Variants in TGM7 observed in about 807,000 individuals in gnomAD.
TGM7 encodes transglutaminase 7, also known as protein-glutamine gamma-glutamyltransferase Z.
A neutral mutation model predicts 79.5 loss-of-function variants in TGM7; 74 were observed. The observed-to-expected ratio is 0.93, with a 90% CI of 0.77 to 1.13. The LOEUF is 1.13. Among genes scored for constraint, TGM7 ranks in the 50% most tolerant of loss-of-function variants. The pLI, the probability that TGM7 is intolerant of heterozygous loss-of-function variation, is 0.00. For synonymous variants in TGM7, 354 were observed against 362.5 expected (o/e 0.98, Z 0.27); for missense variants, 912 against 905.9 (o/e 1.01, Z -0.09).
chr15:43,292,207 G>T, intron 3 of TGM7, 110 bp from the exon 4 acceptor site: 1 of 721,978 alleles, frequency 1.4e-6, no homozygotes, highest in Non-Finnish European at 2.4e-6. Context: ...AGGAACAGTC[G>T]ATGGGTTGAT....
At position 43,278,015 on chromosome 15, in the gene TGM7, T is replaced by C. The variant is rs144255651; in HGVS notation, c.1840-1020A>G. ...AGGGCCCTGGCCACAGCCCCAGGCT[T>C]ATGTCTGCACTTGCAGTTCTGCCCA... On this transcript the variant is annotated intron_variant, in intron 11 of 12. Transcript: ENST00000452443. Among the ~76,000 whole-genome samples, 6 of 152,380 alleles carry C rather than the reference T, an allele frequency of 3.9e-5. No individual in the cohort carries two copies. The South Asian group carries it at 8.3e-4, about 21-fold the overall frequency.
intron 1 of TGM7, among the ~76,000 whole-genome samples, chr15:43,297,762 CT>C (rs1398439203): frequency 6.6e-6 from 1 of 152,204 alleles, no homozygotes; most frequent in Non-Finnish European, 1.5e-5. Context: ...CATCTCTCCA[CT>C]CGGGTCTTGG....
intron 2 of TGM7, 57 bp from the exon 3 acceptor site, chr15:43,293,011 T>C: frequency 6.3e-7 from 1 of 1,583,402 alleles, no homozygotes; most frequent in Non-Finnish European, 8.6e-7. Context: ...TGGTATATGA[T>C]TCCAGGGGAG....
intron 3 of TGM7, 72 bp from the exon 4 acceptor site, chr15:43,292,169 T>G: frequency 1.1e-5 from 12 of 1,048,950 alleles, no homozygotes; most frequent in Non-Finnish European, 1.8e-5. Flanking sequence ...TAAAAAACAG[T>G]AACGACAACG....
chr15:43,297,561 G>A (rs1039727173), intron 1 of TGM7, among the ~76,000 whole-genome samples: 12 of 133,816 alleles, frequency 9.0e-5, no homozygotes, highest in Non-Finnish European at 1.8e-4. Flanking sequence ...GAAAGAAAGG[G>A]ACATTGAAAC....
At chr15:43,292,652 C>G in intron 3 of TGM7, 57 bp downstream of exon 3, 1 of 1,588,726 alleles carries the variant, frequency 6.3e-7, no homozygotes, top group Non-Finnish European at 8.6e-7. Flanking sequence ...TCCAAAGAAC[C>G]TCACAGGGCC....
At chr15:43,301,795 C>T (rs1268126899) in intron 1 of TGM7, among the ~76,000 whole-genome samples, 1 of 151,968 alleles carries the variant, frequency 6.6e-6, no homozygotes, top group Non-Finnish European at 1.5e-5. Flanking sequence ...GGGGCCTGAA[C>T]TCAGGGGTGG....
chr15:43,302,162 A>G (rs2043028308), intron 1 of TGM7, 79 bp downstream of exon 1: 6 of 1,562,198 alleles, frequency 3.8e-6, no homozygotes, highest in Non-Finnish European at 5.3e-6. Flanking sequence ...TCGCTTCCCT[A>G]CATCCTCTAC....
chr15:43,285,910 C>A lies in TGM7; in HGVS notation c.866-958G>T, dbSNP rs62019412. ...CAGATGAAGTCAAGCCAAGAGCCAG[C>A]AAGAGCCAGGTGTGACCCTGAGGGG... On this transcript the variant is annotated intron_variant, in intron 6 of 12. Transcript: ENST00000452443. Among the ~76,000 whole-genome samples, 460 of 152,180 alleles carry A rather than the reference C, an allele frequency of 3.0e-3. 1 individual carries two copies. The highest frequency in any genetic ancestry group is 0.011 in the Admixed American group (170 of 15,286).
intron 11 of TGM7, 156 bp from the exon 12 acceptor site, chr15:43,277,151 C>G (rs540205692): frequency 1.1e-6 from 1 of 945,274 alleles, no homozygotes; most frequent in East Asian, 2.6e-5. Context: ...GCTGAGAGTA[C>G]TTGAGATTAA....
chr15:43,299,772 C>T (rs926821987), intron 1 of TGM7, among the ~76,000 whole-genome samples: 9 of 152,146 alleles, frequency 5.9e-5, no homozygotes, highest in Admixed American at 2.6e-4. Context: ...TTTACAAATA[C>T]GTTATTCTTT....
At chr15:43,296,814 A>C (rs751962912) in intron 1 of TGM7, among the ~76,000 whole-genome samples, 15 of 152,194 alleles carry the variant, frequency 9.9e-5, no homozygotes, top group Non-Finnish European at 1.8e-4. Context: ...CTCATTCTCC[A>C]CTGGACACTC....
Position 43,282,060 on chromosome 15 carries a change from C to G in TGM7, c.1135G>C (p.Val379Leu), listed in dbSNP as rs957049082. Residue 379 changes from valine (V) to leucine (L), a missense_variant, in exon 9 of 13, where the codon GTG becomes CTG. By Grantham distance (32) the Val-to-Leu change is conservative. Coordinates refer to ENST00000452443, the MANE Select transcript of TGM7 (RefSeq NM_052955.3). The part of the protein sequence containing the change: ...SGLFCCGPAS[V>L]KAIREGDVHL... ...ACATCCCCTTCCCTGATGGCCTTCA[C>G]AGAGGCAGGGCCACAGCAGAACAGC... The G allele has an allele frequency of 1.2e-5, 19 of 1,614,028 alleles. No homozygotes were observed. Among genetic ancestry groups the G allele is most frequent in the Non-Finnish European group, 1.6e-5 (19 of 1,180,014 alleles).
At position 43,279,838 on chromosome 15, in the gene TGM7, G is replaced by T. The variant is rs1299622376; in HGVS notation, c.1465C>A (p.Pro489Thr). Residue 489 changes from proline to threonine, a missense_variant, in exon 10 of 13, where the codon CCA becomes ACA. Transcript: ENST00000452443. ...GCCAGGTGAAGCTGCAGCTGCGCTG[G>T]CTGATCCCTAAGACCCCCAGACTCC... ...LLESGGLRDQ[P>T]AQLQLHLARI... 2 of 1,614,122 alleles carry T rather than the reference G, an allele frequency of 1.2e-6. No individual in the cohort carries two copies. The highest frequency in any genetic ancestry group is 1.7e-6 in the Non-Finnish European group (2 of 1,180,054).
intron 6 of TGM7, among the ~76,000 whole-genome samples, chr15:43,285,214 G>A (rs2042929163): frequency 6.6e-6 from 1 of 152,180 alleles, no homozygotes; most frequent in Non-Finnish European, 1.5e-5. Flanking sequence ...TTATCATTTA[G>A]GAGTCTTTCC....
intron 8 of TGM7, 27 bp from the exon 9 acceptor site, chr15:43,282,113 G>C (rs781256605): frequency 6.2e-7 from 1 of 1,608,794 alleles, no homozygotes; most frequent in Non-Finnish European, 8.5e-7. Context: ...CTACTGATAT[G>C]GGGGCCAGGG....
chr15:43,282,377 T>C, intron 8 of TGM7, 140 bp downstream of exon 8: 1 of 819,578 alleles, frequency 1.2e-6, no homozygotes, highest in East Asian at 2.7e-5. Flanking sequence ...AGATTCCTGA[T>C]CTGAAGCTGT....
intron 1 of TGM7, among the ~76,000 whole-genome samples, chr15:43,298,541 G>A (rs2043011345): frequency 6.6e-6 from 1 of 152,182 alleles, no homozygotes; most frequent in Non-Finnish European, 1.5e-5. Context: ...CGGATCACAA[G>A]GTCGAGATCG....
chr15:43,290,804 GGTATTTTATTCTCTTT>G (rs2042960077), intron 4 of TGM7, among the ~76,000 whole-genome samples: 1 of 152,234 alleles, frequency 6.6e-6, no homozygotes, highest in South Asian at 2.1e-4. Context: ...TGGATTCATA[GGTATTTTATTCTCTTT>G]GAAGCAATTG....
Sources: allele counts gnomAD v4.1 joint callset (sites outside exome capture counted in the v4.1 genomes callset), GRCh38; gene constraint gnomAD v4.1.1; transcripts MANE v1.5; gene names NCBI Gene and HGNC (gene_info 2026-07-23, HGNC 2026-07-21).